The following ELP4 variants were observed in gnomAD, a reference collection of about 807,000 sequenced individuals.
The protein encoded by ELP4 is elongator complex protein 4.
A neutral mutation model predicts 48.9 loss-of-function variants in ELP4; 51 were observed. The ratio of observed to expected loss-of-function variants is 1.04; its 90% CI spans 0.83 to 1.32. The LOEUF (loss-of-function observed/expected upper bound fraction) is 1.32, where lower values mean the gene tolerates loss of function less well. ELP4 is among the 40% of genes most tolerant of loss of function. The pLI is 0.00. For synonymous variants in ELP4, 210 were observed against 189.2 expected (o/e 1.11, Z -0.90); for missense variants, 519 against 514.6 (o/e 1.01, Z -0.08).
At chr11:31,714,910 G>A (rs954246463) in intron 9 of ELP4, 12 of 397,394 alleles carry the variant, frequency 3.0e-5, no homozygotes, top group Admixed American at 2.6e-4. Flanking sequence ...CGACCAATCA[G>A]CAACCTTAAT....
At chr11:31,694,810 T>C (rs1946364036) in intron 9 of ELP4, among the ~76,000 whole-genome samples, 2 of 152,176 alleles carry the variant, frequency 1.3e-5, no homozygotes. Flanking sequence ...TATTCTTCCA[T>C]TTGTTTTTAT....
intron 9 of ELP4, among the ~76,000 whole-genome samples, chr11:31,685,174 A>G (rs1946134770): frequency 6.6e-6 from 1 of 152,070 alleles, no homozygotes; most frequent in Non-Finnish European, 1.5e-5. Flanking sequence ...AACATGGTGA[A>G]ACCCTGTCTC....
chr11:31,545,076 G>A (rs117054353), intron 3 of ELP4, among the ~76,000 whole-genome samples: 26 of 152,070 alleles, frequency 1.7e-4, no homozygotes, highest in Non-Finnish European at 3.7e-4. Context: ...AAAAAGCAGA[G>A]CACCTCTCCT....
At chr11:31,650,391 A>C in intron 9 of ELP4, 170 bp downstream of exon 9, 1 of 418,692 alleles carries the variant, frequency 2.4e-6, no homozygotes. Context: ...AATTTTTTAG[A>C]CTATTGTTTT....
chr11:31,718,443 A>T (rs2134182315), intron 9 of ELP4, among the ~76,000 whole-genome samples: 1 of 152,312 alleles, frequency 6.6e-6, no homozygotes, highest in Admixed American at 6.5e-5. Flanking sequence ...TATGGAAAAC[A>T]CTCATTACAT....
intron 9 of ELP4, among the ~76,000 whole-genome samples, chr11:31,675,001 C>A (rs1418617878): frequency 6.6e-6 from 1 of 151,978 alleles, no homozygotes; most frequent in East Asian, 1.9e-4. Context: ...GTGGCAGTAA[C>A]AAAGCTTTGG....
chr11:31,738,689 G>A (rs974268413), intron 9 of ELP4, among the ~76,000 whole-genome samples: 9 of 151,754 alleles, frequency 5.9e-5, no homozygotes, highest in East Asian at 2.0e-4. Context: ...CTCAGTGAGC[G>A]GAGATCGTGC....
chr11:31,515,918 G>A (rs531059328), intron 1 of ELP4, among the ~76,000 whole-genome samples: 3 of 152,258 alleles, frequency 2.0e-5, no homozygotes, highest in Admixed American at 2.0e-4. Flanking sequence ...AGACCATCCT[G>A]GCTAACACGG....
At chr11:31,514,582 T>C (rs867845892) in intron 1 of ELP4, among the ~76,000 whole-genome samples, 2 of 152,198 alleles carry the variant, frequency 1.3e-5, no homozygotes, top group African/African-American at 4.8e-5. Context: ...CTGTTTTCAT[T>C]ATAAAAATAA....
intron 9 of ELP4, among the ~76,000 whole-genome samples, chr11:31,671,051 G>A (rs988347226): frequency 3.9e-5 from 6 of 152,020 alleles, no homozygotes; most frequent in African/African-American, 1.4e-4. Context: ...GTAAATAGAG[G>A]TAAGGTAATA....
At chr11:31,740,789 C>T (rs1947426391) in intron 9 of ELP4, among the ~76,000 whole-genome samples, 2 of 152,178 alleles carry the variant, frequency 1.3e-5, no homozygotes, top group African/African-American at 4.8e-5. Flanking sequence ...AGGAACAGCT[C>T]CGGTCTACAG....
intron 6 of ELP4, among the ~76,000 whole-genome samples, chr11:31,631,048 C>T (rs142211252): frequency 8.1e-4 from 124 of 152,246 alleles, no homozygotes; most frequent in African/African-American, 2.9e-3. Flanking sequence ...GACTGTAATT[C>T]TCTCTTATTC....
intron 9 of ELP4, among the ~76,000 whole-genome samples, chr11:31,660,852 A>G (rs1374651584): frequency 6.6e-6 from 1 of 152,076 alleles, no homozygotes; most frequent in African/African-American, 2.4e-5. Context: ...TTTTAATTAT[A>G]TTTCATAGCC....
At chr11:31,525,444 G>T (rs1956281667) in intron 2 of ELP4, among the ~76,000 whole-genome samples, 1 of 152,098 alleles carries the variant, frequency 6.6e-6, no homozygotes, top group Non-Finnish European at 1.5e-5. Context: ...TATATAACAT[G>T]CCGATATAAG....
intron 9 of ELP4, among the ~76,000 whole-genome samples, chr11:31,726,886 A>G (rs1947088077): frequency 6.6e-6 from 1 of 152,236 alleles, no homozygotes; most frequent in Non-Finnish European, 1.5e-5. Context: ...AATAAACAAT[A>G]AACAGAAACA....
chr11:31,668,708 GTGTGTGTGTGTGTA>G (rs1179372220), intron 9 of ELP4, among the ~76,000 whole-genome samples: 2 of 143,694 alleles, frequency 1.4e-5, no homozygotes, highest in Admixed American at 7.0e-5. Context: ...GTGTGTGTGT[GTGTGTGTGTGTGTA>G]AGAACCCTGT....
At chr11:31,757,102 C>A (rs1475528691) in intron 9 of ELP4, among the ~76,000 whole-genome samples, 1 of 152,196 alleles carries the variant, frequency 6.6e-6, no homozygotes, top group Non-Finnish European at 1.5e-5. Context: ...CATGTGCCAT[C>A]TTAAGGAATG....
intron 9 of ELP4, among the ~76,000 whole-genome samples, chr11:31,755,616 T>G (rs780926159): frequency 1.6e-4 from 24 of 151,880 alleles, no homozygotes; most frequent in Non-Finnish European, 2.8e-4. Context: ...TGATCAGTAC[T>G]CTTTAGAGGT....
intron 9 of ELP4, among the ~76,000 whole-genome samples, chr11:31,734,631 A>G (rs1947263587): frequency 6.6e-6 from 1 of 152,238 alleles, no homozygotes. Context: ...AACATGAATA[A>G]AATACTTAGG....
Sources: allele counts gnomAD v4.1 joint callset (sites outside exome capture counted in the v4.1 genomes callset), GRCh38; gene constraint gnomAD v4.1.1; transcripts MANE v1.5; gene names NCBI Gene and HGNC (gene_info 2026-07-23, HGNC 2026-07-21).